Variants in TMPRSS11E observed in about 807,000 individuals in gnomAD.
The protein encoded by TMPRSS11E is transmembrane protease serine 11E.
A neutral mutation model predicts 48.1 loss-of-function variants in TMPRSS11E; 38 were observed. The observed-to-expected ratio is 0.79, with a 90% CI of 0.61 to 1.04. TMPRSS11E has a LOEUF of 1.04. Among genes scored for constraint, TMPRSS11E ranks in the 50% least tolerant of loss-of-function variants. The probability of loss-of-function intolerance (pLI) is 0.00; values close to 1 mark genes in which losing one functional copy is unlikely to be tolerated. For synonymous variants in TMPRSS11E, 158 were observed against 171.9 expected, an observed-to-expected ratio of 0.92 and a Z score of 0.63; for missense variants, 530 against 510.8, an observed-to-expected ratio of 1.04 and a Z score of -0.36.
At chr4:68,493,374 C>T (rs572966028) in intron 9 of TMPRSS11E, among the ~76,000 whole-genome samples, 8 of 152,168 alleles carry the variant, frequency 5.3e-5, no homozygotes, top group South Asian at 2.1e-4. Flanking sequence ...TAGAGGTACA[C>T]GCTTTACAAA....
At chr4:68,459,567 C>T (rs1277171919) in intron 1 of TMPRSS11E, among the ~76,000 whole-genome samples, 1 of 152,036 alleles carries the variant, frequency 6.6e-6, no homozygotes, top group Non-Finnish European at 1.5e-5. Context: ...TATTCTATAA[C>T]TTTTTAAAAT....
chr4:68,448,097 A>C (rs1179261021), intron 1 of TMPRSS11E, among the ~76,000 whole-genome samples: 1 of 151,986 alleles, frequency 6.6e-6, no homozygotes, highest in African/African-American at 2.4e-5. Context: ...ATAAGTCATG[A>C]TCATTTTGAG....
chr4:68,486,297 T>C lies in TMPRSS11E; in HGVS notation c.1110+7306T>C, dbSNP rs533254733. Among the ~76,000 whole-genome samples, 4 of 152,352 alleles carry C rather than the reference T, an allele frequency of 2.6e-5. No individual in the cohort carries two copies. In the East Asian group the frequency reaches 7.7e-4, roughly 29 times the overall value. Reference sequence around the variant, plus strand: ...CATTTTGCCCCATAAACTTTCCTGTTAATACTGCTTTACCTGTGTCCCAGA... The same window carrying C: ...CATTTTGCCCCATAAACTTTCCTGTCAATACTGCTTTACCTGTGTCCCAGA... On this transcript the variant is annotated intron_variant, in intron 9 of 9. Transcript: ENST00000305363.
intron 2 of TMPRSS11E, among the ~76,000 whole-genome samples, chr4:68,464,382 C>T (rs1350504340): frequency 6.6e-6 from 1 of 152,140 alleles, no homozygotes; most frequent in Admixed American, 6.6e-5. Flanking sequence ...TGTCTGGGGC[C>T]TTTGGGGGTG....
chr4:68,482,629 G>T (rs1729440480), intron 9 of TMPRSS11E, among the ~76,000 whole-genome samples: 1 of 142,656 alleles, frequency 7.0e-6, no homozygotes. Context: ...AAAATTAGCT[G>T]GGCTTTGTGG....
At chr4:68,462,824 C>T (rs1560549300) in intron 2 of TMPRSS11E, among the ~76,000 whole-genome samples, 3 of 152,096 alleles carry the variant, frequency 2.0e-5, no homozygotes, top group Admixed American at 6.5e-5. Context: ...GTTCACCCTG[C>T]GGTTATCAGG....
At chr4:68,490,680 A>T (rs1018210081) in intron 9 of TMPRSS11E, among the ~76,000 whole-genome samples, 7 of 149,300 alleles carry the variant, frequency 4.7e-5, no homozygotes, top group Non-Finnish European at 7.4e-5. Context: ...CTCCTCAGAC[A>T]TGGTTCTAGT....
Position 68,476,451 on chromosome 4 carries a change from G to A in TMPRSS11E, c.707+13G>A, listed in dbSNP as rs983745. The A allele has an allele frequency of 5.6e-6, 9 of 1,594,990 alleles. No homozygotes were observed. Among genetic ancestry groups the A allele is most frequent in the African/African-American group, 1.3e-5 (1 of 74,498 alleles). On this transcript the variant is annotated intron_variant, in intron 7 of 9. Coordinates refer to ENST00000305363, the MANE Select transcript of TMPRSS11E (RefSeq NM_014058.4). ...ACTGTTTTACAACGTAAGTCTTGAA[G>A]CTTGAGAATGATTGGGAGTGAACAA... is the stretch of plus-strand genomic sequence containing the variant.
intron 9 of TMPRSS11E, among the ~76,000 whole-genome samples, chr4:68,494,452 T>C (rs1729814913): frequency 6.6e-6 from 1 of 152,186 alleles, no homozygotes; most frequent in Non-Finnish European, 1.5e-5. Flanking sequence ...CACTTTACCA[T>C]ATCTTTTATG....
At position 68,465,203 on chromosome 4, in the gene TMPRSS11E, A is replaced by G. The variant is rs916244267; in HGVS notation, c.137-1428A>G. Among the ~76,000 whole-genome samples, 9 of 152,164 alleles carry G rather than the reference A, an allele frequency of 5.9e-5. No homozygotes were observed. In the East Asian group the frequency reaches 1.7e-3, roughly 29 times the overall value. ...GATGGAGGAAGAGTAAAACCTCCCA[A>G]GTCCTTCACTTAGGTCTCTTGTACT... On this transcript the variant is annotated intron_variant, in intron 2 of 9. Transcript: ENST00000305363.
chr4:68,487,002 G>C (rs1434515440), intron 9 of TMPRSS11E, among the ~76,000 whole-genome samples: 1 of 152,032 alleles, frequency 6.6e-6, no homozygotes, highest in Non-Finnish European at 1.5e-5. Flanking sequence ...TTTACTTTGA[G>C]ACTATGAGTG....
intron 3 of TMPRSS11E, among the ~76,000 whole-genome samples, chr4:68,468,385 T>G (rs1362307626): frequency 6.6e-6 from 1 of 152,124 alleles, no homozygotes; most frequent in Non-Finnish European, 1.5e-5. Flanking sequence ...CACCTGGGCC[T>G]TTTTAAGAGC....
intron 9 of TMPRSS11E, among the ~76,000 whole-genome samples, chr4:68,482,956 T>C (rs2603174): frequency 0.66 from 100,430 of 151,906 alleles, 33,572 homozygotes; most frequent in East Asian, 0.86. Flanking sequence ...ATTCTTCCAT[T>C]CTTTACCTGT....
chr4:68,479,515 A>G (rs1175581457), intron 9 of TMPRSS11E, among the ~76,000 whole-genome samples: 1 of 149,628 alleles, frequency 6.7e-6, no homozygotes, highest in Non-Finnish European at 1.5e-5. Context: ...ATATACATAC[A>G]TAACATCACT....
At chr4:68,462,914 T>C (rs576592769) in intron 2 of TMPRSS11E, among the ~76,000 whole-genome samples, 1 of 152,316 alleles carries the variant, frequency 6.6e-6, no homozygotes, top group African/African-American at 2.4e-5. Context: ...TATTCTGGGA[T>C]GTAACAGCCC....
chr4:68,458,100 C>A (rs1307869029), intron 1 of TMPRSS11E, among the ~76,000 whole-genome samples: 3 of 151,996 alleles, frequency 2.0e-5, no homozygotes, highest in Non-Finnish European at 2.9e-5. Context: ...TTTTAAAAGA[C>A]CAACTATTGA....
At chr4:68,475,060 G>T (rs922164470) in intron 6 of TMPRSS11E, among the ~76,000 whole-genome samples, 1 of 152,078 alleles carries the variant, frequency 6.6e-6, no homozygotes, top group Non-Finnish European at 1.5e-5. Context: ...TGTTCTGTTT[G>T]TAGATATCTA....
At chr4:68,454,971 GA>G (rs1373166076) in intron 1 of TMPRSS11E, among the ~76,000 whole-genome samples, 1 of 151,848 alleles carries the variant, frequency 6.6e-6, no homozygotes, top group African/African-American at 2.4e-5. Flanking sequence ...TAGCTATTTT[GA>G]AATGCAAAAC....
intron 9 of TMPRSS11E, among the ~76,000 whole-genome samples, chr4:68,483,889 G>A (rs942627108): frequency 3.3e-5 from 5 of 152,174 alleles, no homozygotes; most frequent in Admixed American, 2.0e-4. Context: ...ATTGAGTAGG[G>A]AGTCCTTTCC....
Sources: gnomAD v4.1 joint callset for allele counts (sites outside exome capture counted in the v4.1 genomes callset) on GRCh38, gnomAD v4.1.1 for gene constraint, MANE v1.5 for transcripts, NCBI Gene and HGNC (gene_info 2026-07-23, HGNC 2026-07-21) for gene names.